GABRR2: variants seen among roughly 807,000 people sequenced by gnomAD.
GABRR2 encodes gamma-aminobutyric acid receptor subunit rho-2.
A neutral mutation model predicts 47.0 loss-of-function variants in GABRR2; 36 were observed. The observed-to-expected ratio is 0.77, with a 90% CI of 0.59 to 1.01. GABRR2 has a LOEUF of 1.01. Among genes scored for constraint, GABRR2 ranks in the 50% least tolerant of loss-of-function variants. GABRR2 has a pLI of 0.00. For synonymous variants in GABRR2, 204 were observed against 227.5 expected, an observed-to-expected ratio of 0.90 and a Z score of 0.93; for missense variants, 587 against 594.6, an observed-to-expected ratio of 0.99 and a Z score of 0.13.
chr6:89,302,114 C>A, intron 1 of GABRR2: 2 of 617,392 alleles, frequency 3.2e-6, no homozygotes, highest in South Asian at 3.2e-5. Flanking sequence ...GGGTGCGGAG[C>A]TGGTGGATTC....
At chr6:89,297,277 C>T (rs982034999) in intron 2 of GABRR2, among the ~76,000 whole-genome samples, 1 of 152,016 alleles carries the variant, frequency 6.6e-6, no homozygotes, top group African/African-American at 2.4e-5. Flanking sequence ...AAAGCAAAAA[C>T]ATTTTGTTGT....
chr6:89,273,823 G>A (rs1774106816), intron 2 of GABRR2, among the ~76,000 whole-genome samples: 1 of 152,140 alleles, frequency 6.6e-6, no homozygotes, highest in African/African-American at 2.4e-5. Context: ...AAATTCTGGG[G>A]TAGCACAGCC....
At chr6:89,296,570 C>T (rs1774558278) in intron 2 of GABRR2, among the ~76,000 whole-genome samples, 1 of 152,236 alleles carries the variant, frequency 6.6e-6, no homozygotes, top group South Asian at 2.1e-4. Flanking sequence ...CTTTCCTTAG[C>T]AGCTTCCCCA....
At chr6:89,304,750 C>T (rs1215294283) in intron 1 of GABRR2, among the ~76,000 whole-genome samples, 1 of 152,172 alleles carries the variant, frequency 6.6e-6, no homozygotes, top group Non-Finnish European at 1.5e-5. Flanking sequence ...TACCGTCTCA[C>T]ACCAGTCAGA....
rs1229951968 is a variant in GABRR2 at position 89,303,050 on chromosome 6, C to G, written c.114-3185G>C. 6.9e-6 allele frequency: 7 copies of G among 1,007,994 alleles called. No homozygotes were observed. In the Admixed American group the frequency reaches 1.3e-4, roughly 19 times the overall value. 62.4% of individuals were successfully genotyped at this position (1,007,994 alleles called of 1,614,324 possible). ...TACCAGCAGTACCAGGACTCCATGGCCCAGGAGGAGGGTGAGATGTTCGCA... is the reference window on the plus strand; with the variant it reads ...TACCAGCAGTACCAGGACTCCATGGGCCAGGAGGAGGGTGAGATGTTCGCA... On this transcript the variant is annotated intron_variant, in intron 1 of 8. Coordinates refer to ENST00000402938, the MANE Select transcript of GABRR2 (RefSeq NM_002043.5).
At chr6:89,265,819 CTG>C in intron 6 of GABRR2, 54 bp from the exon 7 acceptor site, 1 of 1,575,112 alleles carries the variant, frequency 6.3e-7, no homozygotes, top group Non-Finnish European at 8.7e-7. Context: ...TGAAAGCAAA[CTG>C]TGTCCCTGGG....
chr6:89,264,517 G>A lies in GABRR2; in HGVS notation c.981C>T (p.Tyr327=), dbSNP rs776726944. The change falls in exon 8 of 9, where the codon TAC becomes TAT. Residue 327 remains tyrosine, a synonymous_variant. Transcript: ENST00000402938. ...ACACGAACACAAAGCTGACCCAGAG[G>A]TAGATGTCCACGGCCTTGACGTAGG... The part of the protein sequence containing the change: ...RVSYVKAVDI[Y]LWVSFVFVFL... The A allele has an allele frequency of 8.7e-6, 14 of 1,614,010 alleles. No homozygotes were observed. The South Asian group carries it at 1.4e-4, about 16-fold the overall frequency.
chr6:89,313,662 A>C (rs1767714009), intron 1 of GABRR2, among the ~76,000 whole-genome samples: 1 of 152,172 alleles, frequency 6.6e-6, no homozygotes, highest in Non-Finnish European at 1.5e-5. Flanking sequence ...TCTGCCTGTA[A>C]TCCTAGCACT....
chr6:89,268,910 C>T, intron 4 of GABRR2, 101 bp downstream of exon 4: 1 of 1,034,128 alleles, frequency 9.7e-7, no homozygotes, highest in Non-Finnish European at 1.5e-6. Flanking sequence ...CATCCACGAA[C>T]CCACAGACCC....
At chr6:89,280,618 A>G (rs1285566468) in intron 2 of GABRR2, among the ~76,000 whole-genome samples, 1 of 152,112 alleles carries the variant, frequency 6.6e-6, no homozygotes, top group East Asian at 1.9e-4. Flanking sequence ...CTGGGCTCCA[A>G]CGCTGCTGTC....
intron 8 of GABRR2, among the ~76,000 whole-genome samples, chr6:89,259,664 C>T (rs891852076): frequency 6.6e-6 from 1 of 151,842 alleles, no homozygotes; most frequent in Admixed American, 6.6e-5. Context: ...CCACCATGCC[C>T]AGCTAATTTT....
At chr6:89,313,751 T>C (rs1767715296) in intron 1 of GABRR2, among the ~76,000 whole-genome samples, 1 of 152,164 alleles carries the variant, frequency 6.6e-6, no homozygotes, top group Non-Finnish European at 1.5e-5. Flanking sequence ...ACCCTGTCTC[T>C]ACTAAAAATA....
chr6:89,295,963 T>C (rs1774545425), intron 2 of GABRR2, among the ~76,000 whole-genome samples: 1 of 152,212 alleles, frequency 6.6e-6, no homozygotes, highest in Admixed American at 6.5e-5. Flanking sequence ...TTTCTGTGGG[T>C]TCTGTTCCAT....
rs1463241274 is a variant in GABRR2 at position 89,266,904 on chromosome 6, T to TTTG, written c.736+774_736+775insCAA. 2.2e-3 allele frequency among the ~76,000 whole-genome samples: 336 copies of TTTG among 151,532 alleles called. 3 individuals are homozygous for TTTG. The highest frequency in any genetic ancestry group is 7.9e-3 in the African/African-American group (324 of 40,956). ...GGCACAATCATAGCTCACTGCAGCC[T>TTTG]CAAACTCCTGTGCTCAAGCAATCCT... is the stretch of plus-strand genomic sequence containing the variant. On this transcript the variant is annotated intron_variant, in intron 6 of 8. Transcript: ENST00000402938.
intron 1 of GABRR2, among the ~76,000 whole-genome samples, chr6:89,309,138 G>A (rs771534287): frequency 2.0e-5 from 3 of 152,144 alleles, no homozygotes; most frequent in Non-Finnish European, 4.4e-5. Context: ...AGCCTGACTT[G>A]CATGAGGACA....
chr6:89,302,180 C>T, intron 1 of GABRR2: 1 of 561,228 alleles, frequency 1.8e-6, no homozygotes, highest in Admixed American at 2.1e-5. Context: ...GGGTTTCCAG[C>T]TGACCCTCTC....
chr6:89,260,975 T>G (rs777950728), intron 8 of GABRR2, among the ~76,000 whole-genome samples: 2 of 152,196 alleles, frequency 1.3e-5, no homozygotes, highest in Non-Finnish European at 1.5e-5. Context: ...AACAGCAGAG[T>G]ACGAGCTCTC....
rs571940765 is a variant in GABRR2 at position 89,295,298 on chromosome 6, A to G, written c.220+4461T>C. ...CCTATTTCTCCACATCCTCTCCAGC[A>G]CCTGTTGTTTCCTGACTTTTTAATG... On this transcript the variant is annotated intron_variant, in intron 2 of 8. Coordinates refer to ENST00000402938, the MANE Select transcript of GABRR2 (RefSeq NM_002043.5). Among the ~76,000 whole-genome samples, 43 of 152,218 alleles carry G rather than the reference A, an allele frequency of 2.8e-4. 1 individual carries two copies. In the South Asian group the frequency reaches 8.7e-3, roughly 31 times the overall value.
chr6:89,258,479 G>A (rs991553540), intron 8 of GABRR2, among the ~76,000 whole-genome samples: 2 of 151,488 alleles, frequency 1.3e-5, no homozygotes, highest in African/African-American at 2.4e-5. Flanking sequence ...GTCAAGGCAG[G>A]AGGATCGCTT....
Sources: allele counts gnomAD v4.1 joint callset (sites outside exome capture counted in the v4.1 genomes callset), GRCh38; gene constraint gnomAD v4.1.1; transcripts MANE v1.5; gene names NCBI Gene and HGNC (gene_info 2026-07-23, HGNC 2026-07-21).